SOX5: variants seen among roughly 807,000 people sequenced by gnomAD.
SOX5 encodes the protein transcription factor SOX-5.
Under a neutral mutation model 92.0 loss-of-function variants are expected in SOX5, and 9 were observed. The observed-to-expected ratio is 0.10, with a 90% CI of 0.06 to 0.17. The LOEUF is 0.17. Among genes scored for constraint, SOX5 ranks in the 10% least tolerant of loss-of-function variants. The pLI is 1.00. For missense variants in SOX5, 642 were observed against 944.5 expected (o/e 0.68, Z 4.20); for synonymous variants, 344 against 336.3 (o/e 1.02, Z -0.25).
At position 23,640,432 on chromosome 12, in the gene SOX5, T is replaced by C. The variant is rs146021781; in HGVS notation, c.1017+380A>G. Among the ~76,000 whole-genome samples, 303 of 152,290 alleles carry C rather than the reference T, an allele frequency of 2.0e-3. 2 individuals are homozygous for C. Among genetic ancestry groups the C allele is most frequent in the African/African-American group, 6.4e-3 (264 of 41,548 alleles). ...AATGATACTGGGCATCCTGAGCAAT[T>C]TGAAATGCATTTTTGTTAAGTCGCC... On this transcript the variant is annotated intron_variant, in intron 8 of 14. Coordinates refer to ENST00000451604, the MANE Select transcript of SOX5 (RefSeq NM_006940.6).
intron 1 of SOX5, among the ~76,000 whole-genome samples, chr12:23,922,855 G>T (rs938754865): frequency 1.3e-5 from 2 of 152,020 alleles, no homozygotes; most frequent in Admixed American, 1.3e-4. Context: ...AAAAACAACT[G>T]GTAAACATAC....
chr12:23,823,402 G>A (rs1228406050), intron 3 of SOX5, among the ~76,000 whole-genome samples: 3 of 152,150 alleles, frequency 2.0e-5, no homozygotes, highest in Admixed American at 6.5e-5. Context: ...ATGAAATTCT[G>A]GGTTGAAAAT....
chr12:23,865,614 G>T (rs1482443847), intron 2 of SOX5, among the ~76,000 whole-genome samples: 1 of 152,076 alleles, frequency 6.6e-6, no homozygotes, highest in Non-Finnish European at 1.5e-5. Flanking sequence ...GGCGGAGGTT[G>T]CAGTGAGCCG....
At chr12:23,634,984 T>C (rs1180863732) in intron 8 of SOX5, among the ~76,000 whole-genome samples, 1 of 152,178 alleles carries the variant, frequency 6.6e-6, no homozygotes, top group South Asian at 2.1e-4. Flanking sequence ...AAGCACTTGG[T>C]TAAGTGCAAA....
chr12:24,001,537 C>T (rs1255117655), intron 4 of SOX5, among the ~76,000 whole-genome samples: 1 of 151,922 alleles, frequency 6.6e-6, no homozygotes, highest in Non-Finnish European at 1.5e-5. Flanking sequence ...AATTAGAAAA[C>T]AGTGTGAGCT....
intron 4 of SOX5, among the ~76,000 whole-genome samples, chr12:23,971,408 C>T (rs1397749813): frequency 6.6e-6 from 1 of 151,650 alleles, no homozygotes; most frequent in African/African-American, 2.4e-5. Flanking sequence ...AAGTGTGAGC[C>T]ACCGCGCCTG....
At chr12:23,802,378 C>T (rs1567882831) in intron 3 of SOX5, among the ~76,000 whole-genome samples, 1 of 152,096 alleles carries the variant, frequency 6.6e-6, no homozygotes, top group Admixed American at 6.6e-5. Flanking sequence ...CTGCGCCCGG[C>T]CTTTTCTTAA....
Position 24,547,660 on chromosome 12 carries a change from C to G in SOX5, c.-251+14669G>C, listed in dbSNP as rs113426064. Among the ~76,000 whole-genome samples the G allele has an allele frequency of 3.7e-4, 56 of 152,256 alleles. 1 individual carries two copies. Among genetic ancestry groups the G allele is most frequent in the African/African-American group, 1.1e-3 (47 of 41,556 alleles). On this transcript the variant is annotated intron_variant, in intron 1 of 4. Transcript: ENST00000446891. ...TGTGCATACATTATTTTAATGGTAT[C>G]TAATTGATTAATAAAATACTCAGCT...
intron 1 of SOX5, among the ~76,000 whole-genome samples, chr12:24,465,494 C>T (rs571166487): frequency 6.6e-6 from 1 of 152,242 alleles, no homozygotes; most frequent in Admixed American, 6.5e-5. Flanking sequence ...TGAGGAAAAA[C>T]AGACTTTGTT....
chr12:24,523,957 T>G (rs1208827573), intron 1 of SOX5, among the ~76,000 whole-genome samples: 2 of 152,206 alleles, frequency 1.3e-5, no homozygotes, highest in East Asian at 1.9e-4. Context: ...AGGCAACCTA[T>G]TAAATGAGAA....
At chr12:23,878,786 C>T (rs111486210) in intron 2 of SOX5, among the ~76,000 whole-genome samples, 5 of 152,108 alleles carry the variant, frequency 3.3e-5, no homozygotes, top group African/African-American at 1.2e-4. Context: ...AATACTACAT[C>T]ATACTGACTT....
chr12:24,292,670 T>G (rs1275374602), intron 2 of SOX5, among the ~76,000 whole-genome samples: 1 of 152,226 alleles, frequency 6.6e-6, no homozygotes, highest in Non-Finnish European at 1.5e-5. Context: ...TGATAGAATT[T>G]TGTTCTTCTT....
intron 4 of SOX5, among the ~76,000 whole-genome samples, chr12:24,116,496 G>A (rs770203599): frequency 3.9e-5 from 6 of 151,920 alleles, no homozygotes; most frequent in East Asian, 1.9e-4. Context: ...TAACCTTCCC[G>A]GAGTAGTCTC....
intron 1 of SOX5, among the ~76,000 whole-genome samples, chr12:24,434,681 G>GT (rs1459794848): frequency 6.6e-6 from 1 of 152,090 alleles, no homozygotes; most frequent in Non-Finnish European, 1.5e-5. Context: ...AGATCTGGTT[G>GT]TTTAAAAGTA....
At chr12:23,944,767 G>T (rs1010441713) in intron 1 of SOX5, among the ~76,000 whole-genome samples, 2 of 152,086 alleles carry the variant, frequency 1.3e-5, no homozygotes, top group African/African-American at 2.4e-5. Flanking sequence ...TCCATTTCTT[G>T]TTCAAGAAAA....
chr12:23,798,599 C>CAA (rs57605234), intron 3 of SOX5, among the ~76,000 whole-genome samples: 17 of 124,242 alleles, frequency 1.4e-4, no homozygotes, highest in South Asian at 4.8e-4. Flanking sequence ...GCAAAAGAAC[C>CAA]AAAAAAAAAA....
At chr12:23,768,116 G>A (rs80343723) in intron 3 of SOX5, among the ~76,000 whole-genome samples, 13,094 of 152,026 alleles carry the variant, frequency 0.086, 686 homozygotes, top group Non-Finnish European at 0.12. Context: ...ATTTACAACA[G>A]TCTAGGGGTT....
chr12:24,451,806 T>C (rs1942350635), intron 1 of SOX5, among the ~76,000 whole-genome samples: 1 of 152,188 alleles, frequency 6.6e-6, no homozygotes. Context: ...CTGCATAGGG[T>C]TAGTATAAAC....
In SOX5 at chr12:24,072,658, C is replaced by G. The variant is rs1488922244; in HGVS notation, c.-2+140685G>C. On this transcript the variant is annotated intron_variant, in intron 4 of 4. Transcript: ENST00000446891. ...TCCAGTCCATGGTTCTGTCCATTAG[C>G]ACCATTTTGTCAACTTCTCCAGTAG... is the stretch of plus-strand genomic sequence containing the variant. Among the ~76,000 whole-genome samples, 3 of 152,176 alleles carry G rather than the reference C, an allele frequency of 2.0e-5. No individual in the cohort carries two copies. In the East Asian group the frequency reaches 5.8e-4, roughly 29 times the overall value.
Sources: gnomAD v4.1 joint callset for allele counts (sites outside exome capture counted in the v4.1 genomes callset) on GRCh38, gnomAD v4.1.1 for gene constraint, MANE v1.5 for transcripts, NCBI Gene and HGNC (gene_info 2026-07-23, HGNC 2026-07-21) for gene names.